The following NIPAL3 variants were observed in gnomAD, a reference collection of about 807,000 sequenced individuals.
The protein encoded by NIPAL3 is NIPA like domain containing 3, also known as NIPA-like protein 3.
NIPAL3 carries 41 observed loss-of-function variants against 47.2 expected under a neutral mutation model. The observed-to-expected ratio is 0.87, with a 90% CI of 0.68 to 1.13. The LOEUF is 1.13. Ranked by LOEUF, NIPAL3 falls within the 50% of genes most tolerant of loss-of-function variation. The probability of loss-of-function intolerance (pLI) is 0.00; values close to 1 mark genes in which losing one functional copy is unlikely to be tolerated. For synonymous variants in NIPAL3, 194 were observed against 209.6 expected, an observed-to-expected ratio of 0.93 and a Z score of 0.64; for missense variants, 449 against 530.1, an observed-to-expected ratio of 0.85 and a Z score of 1.50.
At chr1:24,436,933 A>AT (rs1645141937) in intron 2 of NIPAL3, among the ~76,000 whole-genome samples, 1 of 151,178 alleles carries the variant, frequency 6.6e-6, no homozygotes, top group South Asian at 2.1e-4. Context: ...TTATAAAATA[A>AT]TTTTTTGTAT....
intron 4 of NIPAL3, among the ~76,000 whole-genome samples, chr1:24,442,525 G>C (rs548671531): frequency 6.6e-6 from 1 of 152,338 alleles, no homozygotes; most frequent in South Asian, 2.1e-4. Context: ...GAGTAACAGG[G>C]CTGGGATATG....
At chr1:24,432,371 C>T (rs2148782409) in intron 2 of NIPAL3, among the ~76,000 whole-genome samples, 1 of 152,290 alleles carries the variant, frequency 6.6e-6, no homozygotes, top group Middle Eastern at 3.4e-3. Flanking sequence ...AGGTGATCTG[C>T]CCGCCTCAAC....
At position 24,456,202 on chromosome 1, in the gene NIPAL3, C is replaced by G. The variant is rs761484348; in HGVS notation, c.702C>G (p.Asn234Lys). ...AGMLVLSIQG[N>K]LQLDYPIFYV... ...TGCTTGTCTTGTCCATTCAAGGGAA[C>G]CTGCAGCTTGACTACCCCATCTTCT... Residue 234 changes from asparagine to lysine, a missense_variant, in exon 8 of 12, where the codon AAC becomes AAG. Coordinates refer to ENST00000374399, the MANE Select transcript of NIPAL3 (RefSeq NM_020448.5). 2 of 1,614,228 alleles carry G rather than the reference C, an allele frequency of 1.2e-6. No homozygotes were observed. The highest frequency in any genetic ancestry group is 1.7e-6 in the Non-Finnish European group (2 of 1,180,034).
intron 11 of NIPAL3, chr1:24,465,440 T>TAG (rs1447676133): frequency 2.0e-5 from 3 of 152,168 alleles, no homozygotes; most frequent in African/African-American, 7.2e-5. Context: ...TATATATATA[T>TAG]ATAGATGTAT....
In NIPAL3 at chr1:24,453,420, A is replaced by T. The variant is rs369779259; in HGVS notation, c.553A>T (p.Ile185Phe). ...PFLLYMLVEIILFCLLLYFYK... is the reference protein window; with the variant it reads ...PFLLYMLVEIFLFCLLLYFYK... ...CTGCCTTCCACAGCTGGTGGAGATC[A>T]TTCTGTTCTGCTTGCTGCTCTACTT... is the stretch of plus-strand genomic sequence containing the variant. The change falls in exon 7 of 12, where the codon ATT becomes TTT. Residue 185 changes from isoleucine to phenylalanine, a missense_variant. By Grantham distance (21) the Ile-to-Phe change is conservative. Transcript: ENST00000374399. 1 of 1,612,880 alleles carries T rather than the reference A, an allele frequency of 6.2e-7. No individual in the cohort carries two copies. Among genetic ancestry groups the T allele is most frequent in the African/African-American group, 1.3e-5 (1 of 74,738 alleles).
rs2148836923 is a variant in NIPAL3, at chr1:24,454,334, A to G, written c.637+830A>G. On this transcript the variant is annotated intron_variant, in intron 7 of 11. Coordinates refer to ENST00000374399, the MANE Select transcript of NIPAL3 (RefSeq NM_020448.5). The surrounding 1 kb of genome is among the most constrained non-coding windows in gnomAD (Gnocchi z 4.1). ...GCTGCTCTTGAGTGGCCTCAGGCTA[A>G]TGACCCTCCCTCCTTAAGCCACGCT... 9.1e-7 allele frequency: 1 copy of G among 1,103,420 alleles called. No homozygotes were observed. Among genetic ancestry groups the G allele is most frequent in the South Asian group, 2.2e-5 (1 of 45,520 alleles). The allele number at this position is 1,103,420 out of a possible 1,614,324, so 68.4% of individuals were successfully genotyped here.
chr1:24,442,836 G>A (rs1645459514), intron 4 of NIPAL3, among the ~76,000 whole-genome samples: 1 of 152,166 alleles, frequency 6.6e-6, no homozygotes, highest in Admixed American at 6.5e-5. Context: ...TGGGCATGGT[G>A]GTATGCATCT....
At chr1:24,418,560 TTG>T (rs1644167148) in intron 1 of NIPAL3, among the ~76,000 whole-genome samples, 1 of 152,184 alleles carries the variant, frequency 6.6e-6, no homozygotes. Flanking sequence ...GAGGCCATGT[TTG>T]TGCCACTGCA....
chr1:24,452,840 C>T (rs922705477), intron 6 of NIPAL3, among the ~76,000 whole-genome samples: 1 of 150,928 alleles, frequency 6.6e-6, no homozygotes, highest in Non-Finnish European at 1.5e-5. Context: ...GCAGATGCCA[C>T]CACGCCCAGC....
Position 24,454,309 on chromosome 1 carries a change from G to T in NIPAL3, c.637+805G>T. On this transcript the variant is annotated intron_variant, in intron 7 of 11. Coordinates refer to ENST00000374399, the MANE Select transcript of NIPAL3 (RefSeq NM_020448.5). The surrounding 1 kb of genome is among the most constrained non-coding windows in gnomAD (Gnocchi z 4.1). ...CAGGGCTGGTGAAGCCTGCTACCGC[G>T]CTGCTCTTGAGTGGCCTCAGGCTAA... 1 of 1,146,262 alleles carries T rather than the reference G, an allele frequency of 8.7e-7. No homozygotes were observed. Among genetic ancestry groups the T allele is most frequent in the South Asian group, 1.8e-5 (1 of 55,046 alleles). 71.0% of individuals were successfully genotyped at this position (1,146,262 alleles called of 1,614,324 possible). A position where few individuals can be genotyped will look rare whatever the true frequency, so the allele number is the denominator to read the frequency against.
At chr1:24,419,878 T>C (rs1644241899) in intron 2 of NIPAL3, 1 of 402,708 alleles carries the variant, frequency 2.5e-6, no homozygotes, top group Admixed American at 4.0e-5. Context: ...GGTCAAGAGA[T>C]TGAGACCATT....
At chr1:24,445,118 T>G in intron 4 of NIPAL3, 67 bp from the exon 5 acceptor site, 2 of 1,108,082 alleles carry the variant, frequency 1.8e-6, no homozygotes, top group Non-Finnish European at 2.8e-6. Flanking sequence ...CCAGAGGGCA[T>G]GGGTGAAGGG....
intron 2 of NIPAL3, among the ~76,000 whole-genome samples, chr1:24,422,602 A>G (rs574911038): frequency 1.4e-4 from 22 of 152,306 alleles, no homozygotes; most frequent in African/African-American, 5.3e-4. Context: ...GCATTTTGTA[A>G]AACCTCTTCA....
chr1:24,437,489 C>G (rs1000183572), intron 2 of NIPAL3, among the ~76,000 whole-genome samples: 2 of 152,168 alleles, frequency 1.3e-5, no homozygotes, highest in African/African-American at 2.4e-5. Context: ...TCCCAAAATG[C>G]TTTCCACAAA....
At chr1:24,456,326 T>A in intron 8 of NIPAL3, 53 bp downstream of exon 8, 1 of 1,611,654 alleles carries the variant, frequency 6.2e-7, no homozygotes, top group South Asian at 1.1e-5. Flanking sequence ...CTGCTTCTCT[T>A]TTGGGGGCCT....
rs369474625 is a variant in NIPAL3 at position 24,449,458 on chromosome 1, G to A, written c.395-23G>A. The A allele has an allele frequency of 5.5e-5, 89 of 1,611,996 alleles. No homozygotes were observed. In the African/African-American group the frequency reaches 8.9e-4, roughly 16 times the overall value. On this transcript the variant is annotated intron_variant, in intron 5 of 11. Transcript: ENST00000374399. This position sits in a 1 kb window ranked among gnomAD's most constrained non-coding sequence, Gnocchi z 4.5. ...TTGGGCCTGTTGTTGCAATGAGTCC[G>A]TGACAGCCTCTCTTCCCCGCAGGGC...
At chr1:24,456,450 C>T (rs1171162985) in intron 8 of NIPAL3, among the ~76,000 whole-genome samples, 177 bp downstream of exon 8, 1 of 152,132 alleles carries the variant, frequency 6.6e-6, no homozygotes, top group Admixed American at 6.5e-5. Context: ...GGACACCTGC[C>T]ACTCAAAAGA....
rs765746261 is a variant in NIPAL3 at position 24,469,211 on chromosome 1, G to C, written c.*26G>C. On this transcript the variant is annotated 3_prime_UTR_variant, in exon 12 of 12. Transcript: ENST00000374399. ...GACTCGCCTCCCTCTATTTATAACT[G>C]TCCCCTCCAGGCTGACAGTGGTTCA... 4 of 1,595,154 alleles carry C rather than the reference G, an allele frequency of 2.5e-6. No individual in the cohort carries two copies. The highest frequency in any genetic ancestry group is 1.7e-5 in the Admixed American group (1 of 58,764).
chr1:24,419,214 T>G (rs760969), intron 1 of NIPAL3, 77 bp from the exon 2 acceptor site: 163,992 of 730,680 alleles, frequency 0.22, 19,313 homozygotes, highest in East Asian at 0.29. Context: ...CTGAATGGTA[T>G]TCTCTTCTCA....
Sources: gnomAD v4.1 joint callset for allele counts (sites outside exome capture counted in the v4.1 genomes callset) on GRCh38, gnomAD v4.1.1 for gene constraint, Gnocchi (gnomAD v3.1) non-coding constraint, MANE v1.5 for transcripts, NCBI Gene and HGNC (gene_info 2026-07-23, HGNC 2026-07-21) for gene names.